The following RTL9 variants were observed in gnomAD, a reference collection of about 807,000 sequenced individuals.
RTL9 encodes the protein retrotransposon Gag like 9.
Under a neutral mutation model 44.7 loss-of-function variants are expected in RTL9, and 19 were observed. The observed-to-expected ratio is 0.42, with a 90% CI of 0.30 to 0.62. The LOEUF (loss-of-function observed/expected upper bound fraction) is 0.62, where lower values mean the gene tolerates loss of function less well. Ranked by LOEUF, RTL9 falls within the 20% of genes least tolerant of loss-of-function variation. The pLI is 0.16. For synonymous variants in RTL9, 407 were observed against 398.9 expected, an observed-to-expected ratio of 1.02 and a Z score of -0.24; for missense variants, 1,105 against 1,080.6, an observed-to-expected ratio of 1.02 and a Z score of -0.32.
intron 1 of RTL9, among the ~76,000 whole-genome samples, chrX:110,376,390 G>A (rs1420181512): frequency 9.0e-6 from 1 of 111,373 alleles, no homozygotes; most frequent in African/African-American, 3.3e-5. Flanking sequence ...AGAGTGAGGC[G>A]TCAACATGAG....
At position 110,390,973 on chromosome X, in the gene RTL9, G is replaced by A. The variant is rs1369204498; in HGVS notation, c.-168+32057G>A. Among the ~76,000 whole-genome samples the A allele has an allele frequency of 4.5e-5, 5 of 111,647 alleles. No individual in the cohort carries two copies. In the East Asian group the frequency reaches 1.1e-3, roughly 25 times the overall value. On this transcript the variant is annotated intron_variant, in intron 1 of 2. Coordinates refer to the RTL9 transcript ENST00000520821. ...GTCATCTGGAACATGGTTATTCAGC[G>A]TAGCTTCATCTTCAAAAGGTGCCTG...
chrX:110,362,694 C>A (rs1349695925), intron 1 of RTL9, among the ~76,000 whole-genome samples: 5 of 111,957 alleles, frequency 4.5e-5, no homozygotes, highest in Admixed American at 1.9e-4. Context: ...CCAGTTCTTA[C>A]TGACTGTTCT....
intron 1 of RTL9, among the ~76,000 whole-genome samples, chrX:110,425,169 C>A (rs537199493): frequency 2.7e-5 from 3 of 112,466 alleles, no homozygotes; most frequent in Middle Eastern, 4.6e-3. Context: ...TCTTGTTCAA[C>A]TGAGCCAAGA....
intron 1 of RTL9, among the ~76,000 whole-genome samples, chrX:110,434,619 G>C (rs1166121475): frequency 8.9e-6 from 1 of 111,805 alleles, no homozygotes; most frequent in Non-Finnish European, 1.9e-5. Context: ...CTGAGGCAGG[G>C]AACACAAGAC....
chrX:110,407,486 C>G (rs2068611139), intron 1 of RTL9, among the ~76,000 whole-genome samples: 1 of 112,683 alleles, frequency 8.9e-6, no homozygotes, highest in Non-Finnish European at 1.9e-5. Context: ...CAACCATTTA[C>G]TAGCAGATTA....
At position 110,388,591 on chromosome X, in the gene RTL9, T is replaced by A. The variant is rs183502816; in HGVS notation, c.-168+29675T>A. 1.8e-4 allele frequency among the ~76,000 whole-genome samples: 20 copies of A among 112,301 alleles called. 1 individual carries two copies. Among genetic ancestry groups the A allele is most frequent in the Admixed American group, 1.4e-3 (15 of 10,666 alleles). On this transcript the variant is annotated intron_variant, in intron 1 of 2. Transcript: ENST00000520821. Reference sequence around the variant, plus strand: ...GGAAAAGTTATTTAAAGCCTTGCCTTAGATCAGTGGTTCTCAGGCGTGAGG... The same window carrying A: ...GGAAAAGTTATTTAAAGCCTTGCCTAAGATCAGTGGTTCTCAGGCGTGAGG...
At chrX:110,382,395 G>A (rs2068426503) in intron 1 of RTL9, among the ~76,000 whole-genome samples, 1 of 111,212 alleles carries the variant, frequency 9.0e-6, no homozygotes, top group Admixed American at 9.5e-5. Flanking sequence ...GGATCTGGGA[G>A]ACATGGATGA....
chrX:110,371,864 A>G (rs943219724), intron 1 of RTL9, among the ~76,000 whole-genome samples: 4 of 110,976 alleles, frequency 3.6e-5, no homozygotes, highest in Non-Finnish European at 3.8e-5. Context: ...GTGCTTCACC[A>G]TCCTTTTTGC....
upstream of RTL9, among the ~76,000 whole-genome samples, chrX:110,417,173 C>T (rs1435805322): frequency 8.9e-6 from 1 of 112,205 alleles, no homozygotes; most frequent in East Asian, 2.8e-4. Flanking sequence ...CTCTGAATCC[C>T]TCCTCTCGGC....
At position 110,396,649 on chromosome X, in the gene RTL9, C is replaced by G. The variant is rs750673039; in HGVS notation, c.-168+37733C>G. On this transcript the variant is annotated intron_variant, in intron 1 of 2. Transcript: ENST00000520821. ...TAGGTAAGCAGGGGGCCAGATTCCC[C>G]TCTCCCTGTTTTACAAAGAAGAATG... Among the ~76,000 whole-genome samples, 9 of 112,049 alleles carry G rather than the reference C, an allele frequency of 8.0e-5. No homozygotes were observed. In the South Asian group the frequency reaches 3.4e-3, roughly 42 times the overall value.
chrX:110,420,865 C>T (rs992230953), intron 1 of RTL9, among the ~76,000 whole-genome samples: 3 of 111,416 alleles, frequency 2.7e-5, no homozygotes, highest in African/African-American at 9.8e-5. Flanking sequence ...GTTTCCGATC[C>T]TCAGCACACA....
chrX:110,451,807 T>C (rs1232821097), exon 1 of RTL9: 2 of 1,210,976 alleles, frequency 1.7e-6, no homozygotes, highest in Non-Finnish European at 2.2e-6. Context: ...GCCTCTGGGG[T>C]GATGTCTGCA....
intron 1 of RTL9, among the ~76,000 whole-genome samples, chrX:110,427,995 G>A (rs777068323): frequency 8.9e-6 from 1 of 111,858 alleles, no homozygotes; most frequent in South Asian, 3.8e-4. Flanking sequence ...TGGGTTAGAT[G>A]CCCCTCCTCT....
chrX:110,371,899 T>C (rs1196150977), intron 1 of RTL9, among the ~76,000 whole-genome samples: 3 of 111,543 alleles, frequency 2.7e-5, no homozygotes, highest in Admixed American at 9.5e-5. Flanking sequence ...GCTCACACTG[T>C]TATAAACAGT....
chrX:110,452,785 T>A (rs1264725764), exon 1 of RTL9: 1 of 1,211,349 alleles, frequency 8.3e-7, no homozygotes, highest in Admixed American at 2.2e-5. Context: ...AGTCAGCCAA[T>A]GAGCACCCAA....
chrX:110,447,579 T>A (rs953484631), upstream of RTL9, among the ~76,000 whole-genome samples: 2 of 110,422 alleles, frequency 1.8e-5, no homozygotes, highest in Non-Finnish European at 3.8e-5. Flanking sequence ...TTAAAAAAAA[T>A]TATTATTATT....
intron 1 of RTL9, among the ~76,000 whole-genome samples, chrX:110,381,193 G>A (rs1258910061): frequency 9.0e-6 from 1 of 111,725 alleles, no homozygotes; most frequent in Non-Finnish European, 1.9e-5. Flanking sequence ...ATCCAACAAA[G>A]GACTAATATC....
chrX:110,361,819 C>G (rs966681469), intron 1 of RTL9, among the ~76,000 whole-genome samples: 1 of 111,997 alleles, frequency 8.9e-6, no homozygotes, highest in African/African-American at 3.2e-5. Flanking sequence ...TGTAAAGGTC[C>G]AGATAATAAA....
chrX:110,454,896 A>G (rs1417450318), intron 1 of RTL9, among the ~76,000 whole-genome samples: 1 of 111,455 alleles, frequency 9.0e-6, no homozygotes, highest in Non-Finnish European at 1.9e-5. Context: ...AGAACGTGGG[A>G]TAGTTGAAGT....
Sources: gnomAD v4.1 joint callset for allele counts (sites outside exome capture counted in the v4.1 genomes callset) on GRCh38, gnomAD v4.1.1 for gene constraint, MANE v1.5 for transcripts, NCBI Gene and HGNC (gene_info 2026-07-23, HGNC 2026-07-21) for gene names.